The following ADGRB3 variants were observed in gnomAD, a reference collection of about 807,000 sequenced individuals.
ADGRB3 encodes brain-specific angiogenesis inhibitor 3.
In ADGRB3, 37 loss-of-function variants were observed where a neutral mutation model predicts 193.4. That is an observed-to-expected ratio of 0.19 (90% CI 0.15 to 0.25). The LOEUF is 0.25. ADGRB3 is among the 10% of genes least tolerant of loss of function. The pLI is 1.00. For missense variants in ADGRB3, 1,637 were observed against 1,852.9 expected (o/e 0.88, Z 2.14); for synonymous variants, 690 against 644.2 (o/e 1.07, Z -1.08).
chr6:69,231,026 A>G (rs192130723), intron 17 of ADGRB3, among the ~76,000 whole-genome samples: 11 of 152,346 alleles, frequency 7.2e-5, no homozygotes, highest in Non-Finnish European at 1.5e-5. Flanking sequence ...GAAGCATTTC[A>G]TGCTTGGAGT....
intron 17 of ADGRB3, among the ~76,000 whole-genome samples, chr6:69,115,574 A>T (rs1397326325): frequency 6.6e-6 from 1 of 152,268 alleles, no homozygotes; most frequent in East Asian, 1.9e-4. Context: ...CTGCACATGT[A>T]TCCCAGAACT....
chr6:69,294,710 C>T lies in ADGRB3; in HGVS notation c.2815-30162C>T, dbSNP rs144562520. 3.9e-3 allele frequency among the ~76,000 whole-genome samples: 588 copies of T among 152,172 alleles called. 7 individuals carry two copies. The highest frequency in any genetic ancestry group is 0.013 in the African/African-American group (556 of 41,532). Reference sequence around the variant, plus strand: ...ATGTTCACATTTGGTTTCTTGATAACGCTTGATGAGAGATACTGCCTGGGT... The same window carrying T: ...ATGTTCACATTTGGTTTCTTGATAATGCTTGATGAGAGATACTGCCTGGGT... On this transcript the variant is annotated intron_variant, in intron 20 of 31. Transcript: ENST00000370598.
At chr6:68,834,446 T>C (rs1298780343) in intron 3 of ADGRB3, among the ~76,000 whole-genome samples, 1 of 152,162 alleles carries the variant, frequency 6.6e-6, no homozygotes, top group Non-Finnish European at 1.5e-5. Flanking sequence ...ATTTCATGTG[T>C]GTTTATATAA....
chr6:68,744,453 C>T (rs766315320), intron 3 of ADGRB3, among the ~76,000 whole-genome samples: 1 of 152,062 alleles, frequency 6.6e-6, no homozygotes, highest in Non-Finnish European at 1.5e-5. Context: ...TTTATTGCAG[C>T]ACTATTTACA....
chr6:69,099,563 T>G (rs1772976128), intron 17 of ADGRB3, among the ~76,000 whole-genome samples: 1 of 152,232 alleles, frequency 6.6e-6, no homozygotes, highest in South Asian at 2.1e-4. Flanking sequence ...TTGGTCCTTT[T>G]CAACATCTTC....
intron 20 of ADGRB3, among the ~76,000 whole-genome samples, chr6:69,255,874 T>G (rs1048824253): frequency 1.5e-4 from 23 of 152,338 alleles, no homozygotes; most frequent in Admixed American, 1.2e-3. Flanking sequence ...TGAATTAATT[T>G]TTGTATAAGG....
At chr6:68,947,453 A>G (rs896749176) in intron 6 of ADGRB3, among the ~76,000 whole-genome samples, 1 of 152,086 alleles carries the variant, frequency 6.6e-6, no homozygotes, top group Admixed American at 6.6e-5. Context: ...GCAACTCTAT[A>G]TATACCTGGT....
intron 3 of ADGRB3, among the ~76,000 whole-genome samples, chr6:68,664,909 T>G (rs532154637): frequency 6.6e-6 from 1 of 151,890 alleles, no homozygotes; most frequent in East Asian, 1.9e-4. Context: ...TGCAGCAGCT[T>G]CCATCAGAGT....
intron 24 of ADGRB3, 91 bp downstream of exon 24, chr6:69,333,099 T>A: frequency 7.6e-7 from 1 of 1,314,360 alleles, no homozygotes; most frequent in African/African-American, 1.7e-5. Flanking sequence ...TGACTCTGCC[T>A]TGAATTTTGT....
intron 3 of ADGRB3, among the ~76,000 whole-genome samples, chr6:68,699,432 G>A (rs546600592): frequency 6.6e-6 from 1 of 152,196 alleles, no homozygotes; most frequent in East Asian, 1.9e-4. Flanking sequence ...AATACTGGCA[G>A]AAGGGGAGAA....
At chr6:68,661,068 C>T (rs1253044957) in intron 3 of ADGRB3, among the ~76,000 whole-genome samples, 2 of 149,946 alleles carry the variant, frequency 1.3e-5, no homozygotes, top group African/African-American at 2.4e-5. Context: ...ATTTTATATA[C>T]AAAAAAATGT....
chr6:68,950,082 G>T (rs2150253928), intron 6 of ADGRB3, among the ~76,000 whole-genome samples: 2 of 152,056 alleles, frequency 1.3e-5, no homozygotes, highest in African/African-American at 2.4e-5. Flanking sequence ...TAGAGACAGG[G>T]TCTTGCTCTG....
At chr6:69,247,921 T>C (rs1051351404) in intron 20 of ADGRB3, among the ~76,000 whole-genome samples, 1 of 152,124 alleles carries the variant, frequency 6.6e-6, no homozygotes, top group African/African-American at 2.4e-5. Context: ...ATTGTTGCCA[T>C]TTTATGATGA....
In ADGRB3 at chr6:68,974,780, C is replaced by A. The variant is rs752846303; in HGVS notation, c.1543C>A (p.Pro515Thr). The change falls in exon 9 of 32, where the codon CCT (proline) becomes ACT (threonine). Residue 515 changes from proline to threonine, a missense_variant. By Grantham distance (38) the Pro-to-Thr change is conservative. Coordinates refer to ENST00000370598, the MANE Select transcript of ADGRB3 (RefSeq NM_001704.3). ...AATTGCAGCACCTTATGAAATATGCCCTGAGGATTATCTGATGTCGATGGT... is the reference window on the plus strand; with the variant it reads ...AATTGCAGCACCTTATGAAATATGCACTGAGGATTATCTGATGTCGATGGT... Reference protein sequence around the residue: ...QRCPAPYEICPEDYLMSMVWK... With the variant: ...QRCPAPYEICTEDYLMSMVWK... The A allele has an allele frequency of 2.3e-5, 37 of 1,613,788 alleles. No individual in the cohort carries two copies. Among genetic ancestry groups the A allele is most frequent in the Non-Finnish European group, 3.1e-5 (36 of 1,179,890 alleles).
intron 22 of ADGRB3, 25 bp from the exon 23 acceptor site, chr6:69,330,481 A>T: frequency 6.3e-7 from 1 of 1,582,066 alleles, no homozygotes. Flanking sequence ...AATTTTTGTT[A>T]GTTCTTATCT....
At position 69,078,095 on chromosome 6, in the gene ADGRB3, A is replaced by G. The variant is rs1404122396; in HGVS notation, c.2480+2057A>G. On this transcript the variant is annotated intron_variant, in intron 17 of 31. Coordinates refer to ENST00000370598, the MANE Select transcript of ADGRB3 (RefSeq NM_001704.3). ...TATAGGTCCTCTAAATATAATTAAT[A>G]GTGAAGAGATACTGCTACTTCTTTT... Among the ~76,000 whole-genome samples, 3 of 152,022 alleles carry G rather than the reference A, an allele frequency of 2.0e-5. No individual in the cohort carries two copies. In the East Asian group the frequency reaches 5.8e-4, roughly 29 times the overall value.
At chr6:69,055,052 T>C (rs183240003) in intron 15 of ADGRB3, among the ~76,000 whole-genome samples, 92 of 152,314 alleles carry the variant, frequency 6.0e-4, no homozygotes, top group African/African-American at 2.1e-3. Context: ...CCATAACATC[T>C]TTTTGTTGTA....
At chr6:68,775,348 G>A (rs895010708) in intron 3 of ADGRB3, among the ~76,000 whole-genome samples, 1 of 152,000 alleles carries the variant, frequency 6.6e-6, no homozygotes, top group Non-Finnish European at 1.5e-5. Context: ...TGCACCAAGG[G>A]CCATGTGTGA....
chr6:68,745,458 T>C (rs2127344339), intron 3 of ADGRB3, among the ~76,000 whole-genome samples: 1 of 152,244 alleles, frequency 6.6e-6, no homozygotes, highest in Non-Finnish European at 1.5e-5. Flanking sequence ...AGAGGAGTTG[T>C]TTAATGAGTA....
Sources: gnomAD v4.1 joint callset for allele counts (sites outside exome capture counted in the v4.1 genomes callset) on GRCh38, gnomAD v4.1.1 for gene constraint, MANE v1.5 for transcripts, NCBI Gene and HGNC (gene_info 2026-07-23, HGNC 2026-07-21) for gene names.